Variants in PDE3B observed in about 807,000 individuals in gnomAD.
PDE3B encodes the protein cGMP-inhibited 3',5'-cyclic phosphodiesterase 3B.
A neutral mutation model predicts 116.8 loss-of-function variants in PDE3B; 66 were observed. The ratio of observed to expected loss-of-function variants is 0.56; its 90% CI spans 0.46 to 0.69. The LOEUF (loss-of-function observed/expected upper bound fraction) is 0.69. Ranked by LOEUF, PDE3B falls within the 30% of genes least tolerant of loss-of-function variation. PDE3B has a pLI of 0.00. For missense variants in PDE3B, 1,384 were observed against 1,368.1 expected, an observed-to-expected ratio of 1.01 and a Z score of -0.18; for synonymous variants, 595 against 533.6, an observed-to-expected ratio of 1.12 and a Z score of -1.59.
chr11:14,844,132 G>A (rs1206949897), intron 12 of PDE3B, 106 bp downstream of exon 12: 1 of 772,988 alleles, frequency 1.3e-6, no homozygotes, highest in Non-Finnish European at 2.2e-6. Context: ...CAATCCATCT[G>A]ACTTTAATAC....
At chr11:14,872,580 G>C (rs1015891978), downstream of PDE3B, among the ~76,000 whole-genome samples, 2 of 152,130 alleles carry the variant, frequency 1.3e-5, no homozygotes, top group African/African-American at 4.8e-5. Context: ...AAGGAAATGG[G>C]AACCAATGGA....
chr11:14,774,983 GC>G (rs1857742749), intron 2 of PDE3B: 1 of 152,108 alleles, frequency 6.6e-6, no homozygotes, highest in Non-Finnish European at 1.5e-5. Context: ...TAGTCTCTCT[GC>G]CTGGGATGCT....
chr11:14,886,850 C>CA, the PDE3B span: 1 of 152,240 alleles, frequency 6.6e-6, no homozygotes, highest in African/African-American at 2.4e-5. Context: ...TAGCAGAGAA[C>CA]AAAAGTTCAG....
chr11:14,891,862 G>A, the PDE3B span: 1 of 1,408,502 alleles, frequency 7.1e-7, no homozygotes, highest in South Asian at 1.5e-5. Flanking sequence ...AGGGCAGCCG[G>A]CACACGGAGA....
intron 1 of PDE3B, among the ~76,000 whole-genome samples, chr11:14,733,540 A>G (rs1217687977): frequency 6.6e-6 from 1 of 152,164 alleles, no homozygotes. Context: ...TTTTGATTAC[A>G]TGTTCTTCAA....
intron 7 of PDE3B, among the ~76,000 whole-genome samples, chr11:14,822,061 G>A (rs1468211376): frequency 6.6e-6 from 1 of 151,850 alleles, no homozygotes; most frequent in African/African-American, 2.4e-5. Context: ...ACCATGCCCG[G>A]CTAATTAAAA....
intron 1 of PDE3B, among the ~76,000 whole-genome samples, chr11:14,746,317 G>A (rs543267903): frequency 2.6e-5 from 4 of 152,216 alleles, no homozygotes; most frequent in South Asian, 2.1e-4. Context: ...CCCAGGAGGC[G>A]GAGGTTGCAG....
At chr11:14,814,770 G>A (rs369377262) in intron 5 of PDE3B, among the ~76,000 whole-genome samples, 12 of 152,198 alleles carry the variant, frequency 7.9e-5, no homozygotes, top group African/African-American at 2.4e-4. Context: ...GGCCAGCCTC[G>A]TCAACATGGT....
the PDE3B span, among the ~76,000 whole-genome samples, chr11:14,880,991 T>C: frequency 3.3e-5 from 5 of 152,084 alleles, no homozygotes; most frequent in East Asian, 1.9e-4. Context: ...AGGCCTATAA[T>C]TGCACCACCA....
chr11:14,846,393 T>C lies in PDE3B; in HGVS notation c.2520+2367T>C, dbSNP rs547908998. On this transcript the variant is annotated intron_variant, in intron 12 of 15. Coordinates refer to ENST00000282096, the MANE Select transcript of PDE3B (RefSeq NM_000922.4). ...CCAGCCACTGCAAAATCATGCCAAA[T>C]TGTAAAGACCATCGAGGCTAGGAAG... Among the ~76,000 whole-genome samples the C allele has an allele frequency of 2.6e-3, 396 of 152,188 alleles. 1 individual carries two copies. The highest frequency in any genetic ancestry group is 9.0e-3 in the African/African-American group (374 of 41,510).
In PDE3B at chr11:14,680,955, C is replaced by A. The variant is rs1481395669; in HGVS notation, c.978+35902C>A. Among the ~76,000 whole-genome samples, 18 of 152,172 alleles carry A rather than the reference C, an allele frequency of 1.2e-4. 1 individual carries two copies. Among genetic ancestry groups the A allele is most frequent in the Admixed American group, 1.2e-3 (18 of 15,282 alleles). On this transcript the variant is annotated intron_variant, in intron 1 of 15. Transcript: ENST00000282096. ...TTTACATGTAAGTACAGATCCTCCTCAACTTATGATGATGGGGTTATGTAT... is the reference window on the plus strand; with the variant it reads ...TTTACATGTAAGTACAGATCCTCCTAAACTTATGATGATGGGGTTATGTAT...
At chr11:14,818,940 C>CA (rs1408354480) in intron 6 of PDE3B, among the ~76,000 whole-genome samples, 196 bp from the exon 7 acceptor site, 1 of 151,988 alleles carries the variant, frequency 6.6e-6, no homozygotes, top group Non-Finnish European at 1.5e-5. Flanking sequence ...GTTGACTTTT[C>CA]AAAAATATTT....
At chr11:14,647,815 T>C (rs1565071577) in intron 1 of PDE3B, among the ~76,000 whole-genome samples, 2 of 152,052 alleles carry the variant, frequency 1.3e-5, no homozygotes. Context: ...TGGGATGTTA[T>C]ATTACTGTGT....
chr11:14,887,506 CT>C, the PDE3B span: 1 of 791,862 alleles, frequency 1.3e-6, no homozygotes, highest in Non-Finnish European at 1.5e-6. Flanking sequence ...CTGCTTTGAT[CT>C]ATGGAAGGGT....
chr11:14,686,420 T>C (rs1333535068), intron 1 of PDE3B, among the ~76,000 whole-genome samples: 4 of 152,142 alleles, frequency 2.6e-5, no homozygotes, highest in African/African-American at 7.2e-5. Context: ...ATAATAACAG[T>C]GATTAGTAGA....
intron 1 of PDE3B, among the ~76,000 whole-genome samples, chr11:14,691,246 C>T (rs1029459788): frequency 3.3e-5 from 5 of 152,056 alleles, no homozygotes; most frequent in African/African-American, 1.2e-4. Context: ...ATTTATTATA[C>T]AATTTATAAA....
chr11:14,735,958 TTG>T (rs59099319), intron 1 of PDE3B, among the ~76,000 whole-genome samples: 4,125 of 142,810 alleles, frequency 0.029, 128 homozygotes, highest in East Asian at 0.16. Flanking sequence ...GAATAATAGG[TTG>T]TGTGTGTGTG....
intron 4 of PDE3B, among the ~76,000 whole-genome samples, chr11:14,802,552 G>A (rs1015345378): frequency 5.3e-5 from 8 of 152,118 alleles, no homozygotes; most frequent in African/African-American, 1.4e-4. Flanking sequence ...CACCTTCTGC[G>A]TCAATCTTGC....
chr11:14,883,074 G>A, the PDE3B span, among the ~76,000 whole-genome samples: 2 of 152,154 alleles, frequency 1.3e-5, no homozygotes, highest in African/African-American at 2.4e-5. Context: ...CTCATGGGTA[G>A]GAGGAATCAA....
Sources: allele counts gnomAD v4.1 joint callset (sites outside exome capture counted in the v4.1 genomes callset), GRCh38; gene constraint gnomAD v4.1.1; transcripts MANE v1.5; gene names NCBI Gene and HGNC (gene_info 2026-07-23, HGNC 2026-07-21).